Variants in TAB2 observed in about 807,000 individuals in gnomAD.
TAB2 encodes the protein TGF-beta-activated kinase 1 and MAP3K7-binding protein 2.
TAB2 carries 3 observed loss-of-function variants against 65.0 expected under a neutral mutation model. The ratio of observed to expected loss-of-function variants is 0.05; its 90% confidence interval spans 0.02 to 0.12. The LOEUF is 0.12. TAB2 is among the 10% of genes least tolerant of loss of function. The pLI, the probability that TAB2 is intolerant of heterozygous loss-of-function variation, is 1.00. For synonymous variants in TAB2, 298 were observed against 285.1 expected (o/e 1.05, Z -0.46); for missense variants, 623 against 840.3 (o/e 0.74, Z 3.20).
intron 2 of TAB2, among the ~76,000 whole-genome samples, chr6:149,371,103 C>A (rs912271030): frequency 1.4e-5 from 2 of 147,198 alleles, no homozygotes; most frequent in African/African-American, 5.0e-5. Flanking sequence ...GTCCGGGGCT[C>A]AGTCAAGCAT....
intron 1 of TAB2, among the ~76,000 whole-genome samples, chr6:149,356,361 A>G (rs6920383): frequency 0.24 from 35,897 of 152,126 alleles, 4,424 homozygotes; most frequent in Non-Finnish European, 0.26. Context: ...ACCATTAAAC[A>G]AGGTTACAGA....
chr6:149,397,252 A>G (rs986705126), intron 3 of TAB2, among the ~76,000 whole-genome samples: 1 of 152,162 alleles, frequency 6.6e-6, no homozygotes, highest in African/African-American at 2.4e-5. Flanking sequence ...GACCAGCCTG[A>G]CCAACATGGT....
chr6:149,281,942 GA>G (rs1311787021), intron 1 of TAB2, among the ~76,000 whole-genome samples: 2 of 152,112 alleles, frequency 1.3e-5, no homozygotes, highest in South Asian at 2.1e-4. Flanking sequence ...AAGAAAGCTG[GA>G]AAAAAATATG....
At chr6:149,401,909 CAA>C (rs1458016859) in intron 6 of TAB2, among the ~76,000 whole-genome samples, 1 of 148,190 alleles carries the variant, frequency 6.7e-6, no homozygotes, top group Non-Finnish European at 1.5e-5. Flanking sequence ...TATCTTCAGA[CAA>C]AAAGGAAAAC....
chr6:149,326,064 A>G (rs1779607296), intron 1 of TAB2, among the ~76,000 whole-genome samples: 1 of 152,170 alleles, frequency 6.6e-6, no homozygotes, highest in Middle Eastern at 3.2e-3. Context: ...AGCTATAGCA[A>G]TGGTTTTATA....
At chr6:149,219,278 G>C (rs557367171) in intron 1 of TAB2, among the ~76,000 whole-genome samples, 1 of 151,216 alleles carries the variant, frequency 6.6e-6, no homozygotes, top group Non-Finnish European at 1.5e-5. Flanking sequence ...GTTAACTTTT[G>C]CTTACCAAGT....
At chr6:149,406,250 T>C (rs766215819) in intron 6 of TAB2, among the ~76,000 whole-genome samples, 3 of 152,234 alleles carry the variant, frequency 2.0e-5, no homozygotes, top group Non-Finnish European at 4.4e-5. Context: ...TTTGTGTTAC[T>C]TCTTCCTTCA....
At chr6:149,388,354 C>T (rs1449595390) in intron 3 of TAB2, among the ~76,000 whole-genome samples, 5 of 152,194 alleles carry the variant, frequency 3.3e-5, no homozygotes, top group Admixed American at 6.5e-5. Context: ...TCAGCAGGAA[C>T]AGGGAGGCAC....
rs1156470924 is a variant in TAB2, at chr6:149,317,893, A to AGGCGGCGGCGGCGCT, written c.-202_-188dup. The AGGCGGCGGCGGCGCT allele has an allele frequency of 1.2e-5, 2 of 165,880 alleles. No homozygotes were observed. The highest frequency in any genetic ancestry group is 2.5e-5 in the Non-Finnish European group (2 of 79,622). 10.3% of individuals were successfully genotyped at this position (165,880 alleles called of 1,614,324 possible). On this transcript the variant is annotated 5_prime_UTR_variant, in exon 1 of 7. Transcript: ENST00000637181. The surrounding 1 kb of genome is among the most constrained non-coding windows in gnomAD (Gnocchi z 4.7). ...TGTCCCCCCTGCCGGGTGGAACCGG[A>AGGCGGCGGCGGCGCT]GGCGGCGGCGGCGCTGGCGGCGGCC...
chr6:149,260,125 A>G (rs1238378024), intron 1 of TAB2, among the ~76,000 whole-genome samples: 1 of 152,226 alleles, frequency 6.6e-6, no homozygotes, highest in Non-Finnish European at 1.5e-5. Flanking sequence ...GGATTTTAAA[A>G]TATCACACAT....
intron 1 of TAB2, among the ~76,000 whole-genome samples, chr6:149,337,594 A>G (rs898186672): frequency 2.0e-5 from 3 of 152,228 alleles, no homozygotes; most frequent in Non-Finnish European, 4.4e-5. Flanking sequence ...AAAAGGGTCA[A>G]ACTCTTCTTA....
At chr6:149,283,569 G>T (rs866144988) in intron 1 of TAB2, among the ~76,000 whole-genome samples, 3 of 152,010 alleles carry the variant, frequency 2.0e-5, no homozygotes, top group African/African-American at 7.2e-5. Context: ...AATTAGCCAG[G>T]CAAGGTGGTG....
chr6:149,392,222 C>T (rs910583836), intron 3 of TAB2, among the ~76,000 whole-genome samples: 1 of 152,040 alleles, frequency 6.6e-6, no homozygotes, highest in African/African-American at 2.4e-5. Flanking sequence ...TTCACTGCTA[C>T]ATCCACCTCC....
intron 1 of TAB2, among the ~76,000 whole-genome samples, chr6:149,282,164 A>C (rs1290510440): frequency 3.3e-5 from 2 of 59,972 alleles, no homozygotes; most frequent in Non-Finnish European, 6.9e-5. Context: ...AGACTCTGTC[A>C]AAAAAAAAAA....
intron 6 of TAB2, among the ~76,000 whole-genome samples, chr6:149,402,048 G>C (rs566986329): frequency 3.0e-4 from 42 of 141,782 alleles, no homozygotes; most frequent in Admixed American, 9.2e-4. Flanking sequence ...ACCAGTAGAA[G>C]AACAACAAGC....
intron 1 of TAB2, among the ~76,000 whole-genome samples, chr6:149,346,818 T>A (rs570773057): frequency 1.3e-5 from 2 of 152,304 alleles, no homozygotes; most frequent in Admixed American, 1.3e-4. Flanking sequence ...TTTAACCAAC[T>A]TATTAAAATT....
intron 1 of TAB2, among the ~76,000 whole-genome samples, chr6:149,245,894 C>A (rs144351185): frequency 1.1e-3 from 165 of 152,172 alleles, no homozygotes; most frequent in African/African-American, 3.8e-3. Flanking sequence ...CCCTCCTCTG[C>A]GTTTACACTT....
rs1027870045 is a variant in TAB2 at position 149,298,397 on chromosome 6, G to A, written c.-121+79621G>A. Reference sequence around the variant, plus strand: ...TAATTCCAGCACTTGGGGAAGCCAAGGTGGGCAATGGCTTGAGCCTGGAGT... The same window carrying A: ...TAATTCCAGCACTTGGGGAAGCCAAAGTGGGCAATGGCTTGAGCCTGGAGT... On this transcript the variant is annotated intron_variant, in intron 1 of 1. Transcript: ENST00000606202. Among the ~76,000 whole-genome samples the A allele has an allele frequency of 1.4e-4, 22 of 152,182 alleles. 3 individuals carry two copies. The highest frequency in any genetic ancestry group is 1.2e-3 in the Admixed American group (19 of 15,274).
At chr6:149,298,599 C>G (rs1205517305) in intron 1 of TAB2, among the ~76,000 whole-genome samples, 17 of 152,054 alleles carry the variant, frequency 1.1e-4, no homozygotes, top group Admixed American at 7.9e-4. Context: ...AGAGAGAGAC[C>G]CTGTCTCAAC....
Sources: gnomAD v4.1 joint callset for allele counts (sites outside exome capture counted in the v4.1 genomes callset) on GRCh38, gnomAD v4.1.1 for gene constraint, Gnocchi (gnomAD v3.1) non-coding constraint, MANE v1.5 for transcripts, NCBI Gene and HGNC (gene_info 2026-07-23, HGNC 2026-07-21) for gene names.